The following FRY variants were observed in gnomAD, a reference collection of about 807,000 sequenced individuals.
The protein encoded by FRY is protein furry homolog.
In FRY, 128 loss-of-function variants were observed where a neutral mutation model predicts 348.4. That is an observed-to-expected ratio of 0.37 (90% CI 0.32 to 0.43). The LOEUF is 0.43. FRY is among the 20% of genes least tolerant of loss of function. The probability of loss-of-function intolerance (pLI) is 1.00; values close to 1 mark genes in which losing one functional copy is unlikely to be tolerated. For synonymous variants in FRY, 1,370 were observed against 1,374.7 expected, an observed-to-expected ratio of 1.00 and a Z score of 0.08; for missense variants, 2,736 against 3,695.2, an observed-to-expected ratio of 0.74 and a Z score of 6.73.
intron 1 of FRY, among the ~76,000 whole-genome samples, chr13:32,071,303 A>G (rs1344645237): frequency 6.6e-6 from 1 of 152,212 alleles, no homozygotes; most frequent in Admixed American, 6.5e-5. Flanking sequence ...TACCTTGTGC[A>G]GTATGGCCAT....
chr13:32,147,491 A>G, intron 12 of FRY, 106 bp downstream of exon 12: 1 of 739,202 alleles, frequency 1.4e-6, no homozygotes, highest in Non-Finnish European at 2.5e-6. Flanking sequence ...TTCAAAGCTG[A>G]CAGTTTCTAA....
intron 35 of FRY, among the ~76,000 whole-genome samples, chr13:32,215,443 A>G (rs1884936377): frequency 6.6e-6 from 1 of 152,194 alleles, no homozygotes; most frequent in Non-Finnish European, 1.5e-5. Context: ...CTATCAGAAA[A>G]TGTAACAGAA....
intron 11 of FRY, among the ~76,000 whole-genome samples, chr13:32,145,645 C>T (rs1593665029): frequency 6.7e-6 from 1 of 149,654 alleles, no homozygotes; most frequent in Non-Finnish European, 1.5e-5. Context: ...CCCGGGTTCA[C>T]GCCATTCTCC....
chr13:32,290,934 G>A (rs1038600039), intron 59 of FRY, among the ~76,000 whole-genome samples: 1 of 152,138 alleles, frequency 6.6e-6, no homozygotes, highest in Non-Finnish European at 1.5e-5. Context: ...GAAGGACTGA[G>A]GCGATGCTGT....
intron 1 of FRY, 21 bp from the exon 2 acceptor site, chr13:32,078,812 GA>G (rs1875279679): frequency 6.3e-7 from 1 of 1,577,258 alleles, no homozygotes; most frequent in Non-Finnish European, 8.7e-7. Flanking sequence ...CAGCCAGTAA[GA>G]ATGCCCATTC....
At chr13:32,167,738 G>A (rs1881821887) in intron 17 of FRY, among the ~76,000 whole-genome samples, 2 of 152,192 alleles carry the variant, frequency 1.3e-5, no homozygotes, top group Non-Finnish European at 2.9e-5. Flanking sequence ...ACGGTGGCTT[G>A]TTATCTGTGG....
At chr13:32,251,609 C>A (rs1404311574) in intron 49 of FRY, among the ~76,000 whole-genome samples, 1 of 147,996 alleles carries the variant, frequency 6.8e-6, no homozygotes, top group Non-Finnish European at 1.5e-5. Context: ...CTAATAGTTA[C>A]CCTTAAAAAA....
At chr13:32,127,982 T>C (rs1879130481) in intron 7 of FRY, among the ~76,000 whole-genome samples, 1 of 152,162 alleles carries the variant, frequency 6.6e-6, no homozygotes, top group African/African-American at 2.4e-5. Context: ...TAACTCTAAC[T>C]ATAATATTTT....
At position 32,155,477 on chromosome 13, in the gene FRY, A is replaced by G. The variant is rs1448402895; in HGVS notation, c.1480-14A>G. ...GGGCCTTTCCTTTTGTCATGACAAT[A>G]TTGTCTCTTACAGAGAATGAACATT... On this transcript the variant is annotated splice_polypyrimidine_tract_variant and intron_variant, in intron 14 of 60. Transcript: ENST00000542859. The G allele has an allele frequency of 6.2e-6, 10 of 1,600,818 alleles. No homozygotes were observed. The highest frequency in any genetic ancestry group is 8.6e-6 in the Non-Finnish European group (10 of 1,168,050).
chr13:32,179,988 C>T (rs1300078410), intron 23 of FRY, among the ~76,000 whole-genome samples, 189 bp downstream of exon 23: 2 of 152,208 alleles, frequency 1.3e-5, no homozygotes, highest in Non-Finnish European at 2.9e-5. Context: ...CCTCTCCTGT[C>T]ACTTTTAGTC....
chr13:32,265,722 T>C, intron 54 of FRY, 106 bp downstream of exon 54: 1 of 1,132,150 alleles, frequency 8.8e-7, no homozygotes, highest in Non-Finnish European at 1.3e-6. Context: ...GACATCCTAA[T>C]AAAGGACTCC....
chr13:32,137,677 C>T (rs1439313613), intron 11 of FRY, among the ~76,000 whole-genome samples: 8 of 152,200 alleles, frequency 5.3e-5, no homozygotes, highest in Non-Finnish European at 8.8e-5. Flanking sequence ...AAAACTATCC[C>T]TAACATAAGT....
intron 1 of FRY, among the ~76,000 whole-genome samples, chr13:32,073,426 T>A (rs1251314275): frequency 6.6e-6 from 1 of 152,208 alleles, no homozygotes; most frequent in Non-Finnish European, 1.5e-5. Flanking sequence ...AGCACCTGAA[T>A]GCCTGTAGGC....
chr13:32,052,230 C>T (rs1873369662), intron 1 of FRY, among the ~76,000 whole-genome samples: 1 of 152,116 alleles, frequency 6.6e-6, no homozygotes, highest in African/African-American at 2.4e-5. Context: ...TTGAAGTGAT[C>T]AATAAATGTT....
At chr13:32,100,908 C>T (rs1421705216) in intron 2 of FRY, among the ~76,000 whole-genome samples, 1 of 152,148 alleles carries the variant, frequency 6.6e-6, no homozygotes, top group East Asian at 1.9e-4. Context: ...GAGGGTTCTG[C>T]CCTCGTGATT....
At chr13:32,224,211 A>T in intron 36 of FRY, 24 bp from the exon 37 acceptor site, 1 of 1,609,624 alleles carries the variant, frequency 6.2e-7, no homozygotes, top group Non-Finnish European at 8.5e-7. Flanking sequence ...AAAATAAAGC[A>T]CAGTTGTCTT....
chr13:32,076,803 A>C (rs1033367712), intron 1 of FRY, among the ~76,000 whole-genome samples: 1 of 152,312 alleles, frequency 6.6e-6, no homozygotes, highest in Admixed American at 6.5e-5. Flanking sequence ...CTTTTAGGAG[A>C]TATAGCTAGA....
At chr13:32,244,263 A>G in intron 47 of FRY, 81 bp downstream of exon 47, 1 of 1,299,816 alleles carries the variant, frequency 7.7e-7, no homozygotes, top group Non-Finnish European at 1.1e-6. Context: ...CTACAAAACC[A>G]TCTGGGTGCC....
intron 28 of FRY, among the ~76,000 whole-genome samples, chr13:32,190,033 A>G (rs183579285): frequency 2.6e-4 from 39 of 152,202 alleles, no homozygotes; most frequent in African/African-American, 9.1e-4. Flanking sequence ...CATATTAACT[A>G]TATTCACAGA....
Sources: allele counts gnomAD v4.1 joint callset (sites outside exome capture counted in the v4.1 genomes callset), GRCh38; gene constraint gnomAD v4.1.1; transcripts MANE v1.5; gene names NCBI Gene and HGNC (gene_info 2026-07-23, HGNC 2026-07-21).